Variants in STXBP5L observed in about 807,000 individuals in gnomAD.
STXBP5L encodes the protein syntaxin binding protein 5L.
In STXBP5L, 65 loss-of-function variants were observed where a neutral mutation model predicts 144.5. The observed-to-expected ratio is 0.45, with a 90% CI of 0.37 to 0.55. The LOEUF (loss-of-function observed/expected upper bound fraction) is 0.55. Ranked by LOEUF, STXBP5L falls within the 20% of genes least tolerant of loss-of-function variation. The probability of loss-of-function intolerance (pLI) is 0.00; values close to 1 mark genes in which losing one functional copy is unlikely to be tolerated. For missense variants in STXBP5L, 1,298 were observed against 1,405.5 expected, an observed-to-expected ratio of 0.92 and a Z score of 1.22; for synonymous variants, 505 against 469.6, an observed-to-expected ratio of 1.08 and a Z score of -0.97.
intron 3 of STXBP5L, among the ~76,000 whole-genome samples, chr3:120,956,952 T>C (rs1026448222): frequency 2.0e-5 from 3 of 151,906 alleles, no homozygotes; most frequent in Non-Finnish European, 4.4e-5. Context: ...AGTTTTATAG[T>C]TTTAGGTTTT....
At chr3:120,979,052 C>T (rs1047701642) in intron 3 of STXBP5L, among the ~76,000 whole-genome samples, 41 of 152,256 alleles carry the variant, frequency 2.7e-4, no homozygotes, top group Middle Eastern at 6.8e-3. Flanking sequence ...GCTGCATGCT[C>T]GGAGAACCAC....
chr3:121,044,264 A>G (rs564853554), intron 4 of STXBP5L, among the ~76,000 whole-genome samples: 1 of 152,280 alleles, frequency 6.6e-6, no homozygotes, highest in East Asian at 1.9e-4. Context: ...TTATAAAGCC[A>G]TTCCTCTCTG....
rs766142184 is a variant in STXBP5L at position 121,378,717 on chromosome 3, C to T, written c.2178C>T (p.Asp726=). 6.2e-7 allele frequency: 1 copy of T among 1,613,002 alleles called. No individual in the cohort carries two copies. The highest frequency in any genetic ancestry group is 1.1e-5 in the South Asian group (1 of 91,036). ...GCTGCCTTCCTCCTCTTGGCACAGA[C>T]CATGTAAATGGACACTGCACAAGTC... ...ELERCKSPTS[D]HVNGHCTSPT... Residue 726 remains aspartate, a splice_region_variant and synonymous_variant, in exon 21 of 27, where the codon GAC becomes GAT. Transcript: ENST00000471454.
chr3:121,349,826 T>A (rs1040399660), intron 20 of STXBP5L, among the ~76,000 whole-genome samples: 1 of 152,106 alleles, frequency 6.6e-6, no homozygotes, highest in African/African-American at 2.4e-5. Context: ...TCTTCCTCCA[T>A]CCGTTTATTT....
chr3:121,313,206 G>C (rs1168739619), intron 19 of STXBP5L, among the ~76,000 whole-genome samples: 1 of 141,946 alleles, frequency 7.0e-6, no homozygotes, highest in Non-Finnish European at 1.5e-5. Flanking sequence ...GCGGCCGGCC[G>C]GAAGGGGGGC....
intron 8 of STXBP5L, among the ~76,000 whole-genome samples, chr3:121,153,402 AG>A (rs1383531783): frequency 7.9e-5 from 12 of 152,184 alleles, no homozygotes; most frequent in African/African-American, 2.9e-4. Context: ...AAGAGATAGG[AG>A]GAAAATATAT....
intron 9 of STXBP5L, among the ~76,000 whole-genome samples, chr3:121,181,245 G>A (rs948693989): frequency 6.7e-6 from 1 of 149,900 alleles, no homozygotes; most frequent in Non-Finnish European, 1.5e-5. Flanking sequence ...GAACCTGGGA[G>A]GTGGAGGTAT....
chr3:121,304,265 G>C (rs375500040), intron 19 of STXBP5L, among the ~76,000 whole-genome samples: 75 of 152,152 alleles, frequency 4.9e-4, no homozygotes, highest in African/African-American at 1.8e-3. Flanking sequence ...ACTAGAAATA[G>C]ACAATTCTAC....
chr3:121,093,507 A>G (rs1361511286), intron 5 of STXBP5L, among the ~76,000 whole-genome samples: 3 of 152,040 alleles, frequency 2.0e-5, no homozygotes, highest in South Asian at 2.1e-4. Flanking sequence ...TTGGGAGGGT[A>G]TATGTGTCGA....
chr3:121,186,721 T>G (rs1023392250), intron 9 of STXBP5L, among the ~76,000 whole-genome samples: 5 of 152,114 alleles, frequency 3.3e-5, no homozygotes, highest in Admixed American at 1.3e-4. Context: ...GATTTTTGCA[T>G]TGACAAACAA....
At chr3:121,030,546 G>A (rs924942641) in intron 3 of STXBP5L, among the ~76,000 whole-genome samples, 3 of 152,056 alleles carry the variant, frequency 2.0e-5, no homozygotes, top group Admixed American at 6.6e-5. Context: ...TGGGACTAGG[G>A]GATGGATAAC....
chr3:121,165,211 T>C (rs2046458372), intron 9 of STXBP5L, among the ~76,000 whole-genome samples: 1 of 152,224 alleles, frequency 6.6e-6, no homozygotes, highest in South Asian at 2.1e-4. Flanking sequence ...AAAAAGTGTA[T>C]GCTTTAAAAG....
At chr3:121,083,678 T>A (rs1055532533) in intron 5 of STXBP5L, among the ~76,000 whole-genome samples, 4 of 147,552 alleles carry the variant, frequency 2.7e-5, no homozygotes, top group African/African-American at 1.0e-4. Context: ...AAAAAAAAAA[T>A]GGTGTCAATT....
chr3:121,059,996 T>A (rs900050065), intron 5 of STXBP5L, among the ~76,000 whole-genome samples: 1 of 152,200 alleles, frequency 6.6e-6, no homozygotes, highest in African/African-American at 2.4e-5. Flanking sequence ...TGGCTAGAAC[T>A]TCCAATACTA....
At chr3:121,374,420 T>C (rs1350069358) in intron 20 of STXBP5L, among the ~76,000 whole-genome samples, 1 of 151,138 alleles carries the variant, frequency 6.6e-6, no homozygotes, top group East Asian at 1.9e-4. Flanking sequence ...ACATGATACC[T>C]CCAAAGGAAC....
chr3:120,925,353 G>T (rs189020684), intron 2 of STXBP5L, among the ~76,000 whole-genome samples: 1 of 151,990 alleles, frequency 6.6e-6, no homozygotes, highest in Admixed American at 6.6e-5. Context: ...TGTTGGGTGC[G>T]TTGTTATTTA....
intron 20 of STXBP5L, among the ~76,000 whole-genome samples, chr3:121,356,754 A>G (rs2045528871): frequency 6.6e-6 from 1 of 152,200 alleles, no homozygotes; most frequent in Non-Finnish European, 1.5e-5. Flanking sequence ...AAATGCAGAA[A>G]TCACCCATCT....
At chr3:120,955,316 C>T (rs1461200533) in intron 3 of STXBP5L, among the ~76,000 whole-genome samples, 2 of 151,950 alleles carry the variant, frequency 1.3e-5, no homozygotes, top group Non-Finnish European at 2.9e-5. Context: ...TATTGATTCT[C>T]ATGATTCTCA....
chr3:121,279,691 C>G, intron 18 of STXBP5L, 114 bp from the exon 19 acceptor site: 1 of 1,272,700 alleles, frequency 7.9e-7, no homozygotes, highest in Non-Finnish European at 1.1e-6. Flanking sequence ...CAAATCACTG[C>G]CCAACTTCCC....
Sources: allele counts gnomAD v4.1 joint callset (sites outside exome capture counted in the v4.1 genomes callset), GRCh38; gene constraint gnomAD v4.1.1; transcripts MANE v1.5; gene names NCBI Gene and HGNC (gene_info 2026-07-23, HGNC 2026-07-21).